ANAPC4: variants seen among roughly 807,000 people sequenced by gnomAD.
The protein encoded by ANAPC4 is anaphase promoting complex subunit 4.
Under a neutral mutation model 119.8 loss-of-function variants are expected in ANAPC4, and 63 were observed. The observed-to-expected ratio is 0.53, with a 90% confidence interval of 0.43 to 0.65. ANAPC4 has a LOEUF of 0.65. Ranked by LOEUF, ANAPC4 falls within the 30% of genes least tolerant of loss-of-function variation. The probability of loss-of-function intolerance (pLI) is 0.00; values close to 1 mark genes in which losing one functional copy is unlikely to be tolerated. For missense variants in ANAPC4, 716 were observed against 945.1 expected (o/e 0.76, Z 3.18); for synonymous variants, 283 against 318.6 (o/e 0.89, Z 1.19).
At chr4:25,385,715 C>G (rs1721993564) in intron 4 of ANAPC4, among the ~76,000 whole-genome samples, 1 of 152,174 alleles carries the variant, frequency 6.6e-6, no homozygotes, top group Non-Finnish European at 1.5e-5. Flanking sequence ...TTTCAACGTG[C>G]CTTCCTCTCT....
chr4:25,416,765 C>T, intron 27 of ANAPC4, 167 bp downstream of exon 27: 1 of 452,732 alleles, frequency 2.2e-6, no homozygotes, highest in Non-Finnish European at 3.7e-6. Context: ...AATATGCTGG[C>T]CTTAATAGCT....
chr4:25,407,154 C>G, intron 19 of ANAPC4, 43 bp from the exon 20 acceptor site: 7 of 1,505,560 alleles, frequency 4.6e-6, no homozygotes, highest in Non-Finnish European at 6.4e-6. Flanking sequence ...TATTTTTCTT[C>G]GTGAGTTGAC....
chr4:25,415,652 A>G (rs560581577), intron 26 of ANAPC4, 112 bp downstream of exon 26: 4 of 785,432 alleles, frequency 5.1e-6, no homozygotes, highest in Admixed American at 2.8e-5. Flanking sequence ...GGGCTTTGCC[A>G]CTTCCCACAT....
intron 21 of ANAPC4, among the ~76,000 whole-genome samples, chr4:25,411,828 A>T (rs1399925157): frequency 1.3e-5 from 2 of 152,182 alleles, no homozygotes; most frequent in East Asian, 3.8e-4. Context: ...CTGACAACAA[A>T]ATGAGAGAAA....
intron 17 of ANAPC4, among the ~76,000 whole-genome samples, chr4:25,404,376 T>C (rs316770): frequency 0.055 from 8,435 of 152,254 alleles, 347 homozygotes; most frequent in African/African-American, 0.11. Flanking sequence ...AGAAGACTTT[T>C]TTTTTGCAGA....
At chr4:25,381,688 G>A (rs190906153) in intron 3 of ANAPC4, among the ~76,000 whole-genome samples, 490 of 152,180 alleles carry the variant, frequency 3.2e-3, no homozygotes, top group African/African-American at 0.011. Flanking sequence ...GGTGGCTCAC[G>A]CCTGTAATCC....
chr4:25,417,970 G>T, intron 28 of ANAPC4, 185 bp from the exon 29 acceptor site: 1 of 833,948 alleles, frequency 1.2e-6, no homozygotes, highest in Admixed American at 3.1e-5. Flanking sequence ...TCACGAAATT[G>T]CCACTGTTGT....
intron 4 of ANAPC4, 52 bp downstream of exon 4, chr4:25,383,445 T>G: frequency 6.7e-7 from 1 of 1,485,902 alleles, no homozygotes; most frequent in Non-Finnish European, 9.0e-7. Context: ...TTTTTATTTT[T>G]TGAAATGGAA....
rs778265945 is a variant in ANAPC4, at chr4:25,396,679, A to G, written c.1077A>G (p.Leu359=). Residue 359 remains leucine, a synonymous_variant, in exon 15 of 29, where the codon TTA becomes TTG. Coordinates refer to ENST00000315368, the MANE Select transcript of ANAPC4 (RefSeq NM_013367.3). ...GTTTGGATAGTGGCTCGGAGTCTTT[A>G]TTATACCATTTGAGTGAATTGAAAG... is the stretch of plus-strand genomic sequence containing the variant. The part of the protein sequence containing the change: ...ISHLQSGSES[L]LYHLSELKGM... The G allele has an allele frequency of 1.2e-6, 2 of 1,604,042 alleles. No homozygotes were observed. Among genetic ancestry groups the G allele is most frequent in the Non-Finnish European group, 1.7e-6 (2 of 1,176,008 alleles).
In ANAPC4 at chr4:25,390,208, T is replaced by C. The variant is rs1281943320; in HGVS notation, c.588T>C (p.Ala196=). 6.2e-7 allele frequency: 1 copy of C among 1,611,746 alleles called. No individual in the cohort carries two copies. Among genetic ancestry groups the C allele is most frequent in the Non-Finnish European group, 8.5e-7 (1 of 1,178,454 alleles). Residue 196 remains alanine, a synonymous_variant, in exon 8 of 29, where the codon GCT becomes GCC. Transcript: ENST00000315368. ...ELYAYGMFKI[A]RVTGIAGTCL... is the part of the protein sequence containing the mutation. ...ATGCTTATGGAATGTTTAAAATTGC[T>C]CGAGTCACAGGGGTAAGATTTCTTT...
At chr4:25,402,907 A>T (rs1723055456) in intron 16 of ANAPC4, 64 bp from the exon 17 acceptor site, 5 of 894,678 alleles carry the variant, frequency 5.6e-6, no homozygotes, top group Non-Finnish European at 8.6e-6. Context: ...CTGACAGTTG[A>T]GTAGGATGTA....
At chr4:25,380,323 T>C in intron 2 of ANAPC4, 51 bp from the exon 3 acceptor site, 1 of 1,461,890 alleles carries the variant, frequency 6.8e-7, no homozygotes, top group South Asian at 1.2e-5. Flanking sequence ...GTTTATTTTA[T>C]TTTTGGAAAT....
chr4:25,418,348 A>C lies in ANAPC4; in HGVS notation c.2393A>C (p.Lys798Thr). The C allele has an allele frequency of 6.2e-7, 1 of 1,614,082 alleles. No homozygotes were observed. Among genetic ancestry groups the C allele is most frequent in the Non-Finnish European group, 8.5e-7 (1 of 1,179,958 alleles). Residue 798 changes from lysine (K) to threonine (T), a missense_variant, in exon 29 of 29, where the codon AAA (lysine) becomes ACA (threonine). Around this residue, in one of 3 missense-constraint regions of ANAPC4, gnomAD observed 504 missense variants for 615.8 expected, o/e 0.82. Coordinates refer to ENST00000315368, the MANE Select transcript of ANAPC4 (RefSeq NM_013367.3). ...AAALAPEIVI[K>T]VEKLDPELDS is the part of the protein sequence containing the mutation. ...GCTTTAGCTCCAGAGATAGTCATTA[A>C]AGTGGAAAAACTTGACCCTGAGCTA...
intron 26 of ANAPC4, chr4:25,416,195 AT>A: frequency 3.1e-6 from 1 of 323,056 alleles, no homozygotes; most frequent in Non-Finnish European, 5.6e-6. Flanking sequence ...AACTTCACAG[AT>A]TTTTGGGGGT....
At chr4:25,409,469 A>G (rs143729253) in intron 20 of ANAPC4, among the ~76,000 whole-genome samples, 131 of 152,326 alleles carry the variant, frequency 8.6e-4, no homozygotes, top group East Asian at 8.3e-3. Context: ...CCACATACAC[A>G]TAGCAGATTT....
intron 21 of ANAPC4, among the ~76,000 whole-genome samples, chr4:25,412,322 T>A (rs903151174): frequency 2.0e-5 from 3 of 152,138 alleles, no homozygotes; most frequent in African/African-American, 7.2e-5. Flanking sequence ...TAGACATGAT[T>A]GATGAAGTCA....
At chr4:25,389,703 A>G (rs1722237191) in intron 7 of ANAPC4, among the ~76,000 whole-genome samples, 1 of 152,296 alleles carries the variant, frequency 6.6e-6, no homozygotes, top group East Asian at 1.9e-4. Context: ...TGATGTACAT[A>G]TGTTTATTTT....
At chr4:25,383,610 C>T (rs1426336144) in intron 4 of ANAPC4, among the ~76,000 whole-genome samples, 1 of 151,832 alleles carries the variant, frequency 6.6e-6, no homozygotes, top group Non-Finnish European at 1.5e-5. Flanking sequence ...GGCTTGGTTC[C>T]AGACCACTGC....
intron 17 of ANAPC4, among the ~76,000 whole-genome samples, chr4:25,404,778 C>G (rs1305707103): frequency 1.3e-5 from 2 of 152,094 alleles, no homozygotes; most frequent in Admixed American, 6.5e-5. Context: ...AAAATGTAAT[C>G]TCCATGAAGG....
Sources: allele counts gnomAD v4.1 joint callset (sites outside exome capture counted in the v4.1 genomes callset), GRCh38; gene constraint gnomAD v4.1.1; regional missense constraint gnomAD v4.1.1; transcripts MANE v1.5; gene names NCBI Gene and HGNC (gene_info 2026-07-23, HGNC 2026-07-21).